The following ANKRD7 variants were observed in gnomAD, a reference collection of about 807,000 sequenced individuals.
The protein encoded by ANKRD7 is ankyrin repeat domain-containing protein 7.
A neutral mutation model predicts 30.8 loss-of-function variants in ANKRD7; 30 were observed. That is an observed-to-expected ratio of 0.97 (90% CI 0.73 to 1.32). The LOEUF is 1.32. Among genes scored for constraint, ANKRD7 ranks in the 40% most tolerant of loss-of-function variants. The pLI, the probability that ANKRD7 is intolerant of heterozygous loss-of-function variation, is 0.00. For synonymous variants in ANKRD7, 97 were observed against 106.6 expected, an observed-to-expected ratio of 0.91 and a Z score of 0.55; for missense variants, 264 against 295.7, an observed-to-expected ratio of 0.89 and a Z score of 0.79.
In ANKRD7 at chr7:118,239,970, TTC is replaced by T; in HGVS notation, c.*11_*12del. 1 of 1,584,370 alleles carries T rather than the reference TTC, an allele frequency of 6.3e-7. No homozygotes were observed. The highest frequency in any genetic ancestry group is 8.6e-7 in the Non-Finnish European group (1 of 1,161,762). ...AGAAACATGCTAAATAGACACCTTATTCTTGGCACTACATGTGACTAAAGGAA... is the reference window on the plus strand; with the variant it reads ...AGAAACATGCTAAATAGACACCTTATTTGGCACTACATGTGACTAAAGGAA... On this transcript the variant is annotated 3_prime_UTR_variant, in exon 6 of 7. Transcript: ENST00000265224.
chr7:118,225,014 C>G lies in ANKRD7; in HGVS notation c.179+5C>G. 1 of 1,613,414 alleles carries G rather than the reference C, an allele frequency of 6.2e-7. No homozygotes were observed. The highest frequency in any genetic ancestry group is 8.5e-7 in the Non-Finnish European group (1 of 1,179,774). On this transcript the variant is annotated splice_donor_5th_base_variant and intron_variant, in intron 1 of 6. Transcript: ENST00000265224. The stretch of plus-strand genomic sequence containing the variant: ...TATGCAGGACAAAAAATACAGGTGA[C>G]CAGACTGAAGAGCCAGCGCGGGAGG...
intron 1 of ANKRD7, chr7:118,228,025 G>A: frequency 7.7e-7 from 1 of 1,304,146 alleles, no homozygotes; most frequent in Non-Finnish European, 1.0e-6. Flanking sequence ...TTCATTCAGG[G>A]GTCAGTTTTT....
chr7:118,242,192 CAA>C (rs914210499), intron 6 of ANKRD7, among the ~76,000 whole-genome samples, 155 bp from the exon 7 acceptor site: 4 of 152,052 alleles, frequency 2.6e-5, no homozygotes, highest in Admixed American at 1.3e-4. Context: ...CTGTCAAATT[CAA>C]AAGAGACTAC....
At chr7:118,237,197 A>G (rs918671399) in intron 5 of ANKRD7, among the ~76,000 whole-genome samples, 27 of 152,216 alleles carry the variant, frequency 1.8e-4, no homozygotes, top group African/African-American at 5.5e-4. Context: ...CATTAATAAA[A>G]CATATAGGTG....
intron 5 of ANKRD7, among the ~76,000 whole-genome samples, chr7:118,238,809 G>A (rs1451509124): frequency 6.6e-6 from 1 of 152,092 alleles, no homozygotes; most frequent in African/African-American, 2.4e-5. Flanking sequence ...TGAGTTAATT[G>A]TCTTCACTTT....
At chr7:118,233,574 C>T (rs1259962084) in intron 1 of ANKRD7, among the ~76,000 whole-genome samples, 1 of 151,972 alleles carries the variant, frequency 6.6e-6, no homozygotes, top group Non-Finnish European at 1.5e-5. Context: ...TTTTGAGGTT[C>T]ACCTTTTTGC....
chr7:118,229,591 A>G (rs1809600487), intron 1 of ANKRD7, among the ~76,000 whole-genome samples: 1 of 152,170 alleles, frequency 6.6e-6, no homozygotes, highest in African/African-American at 2.4e-5. Flanking sequence ...AATAAATGCA[A>G]TGAATTATGG....
chr7:118,240,471 C>G (rs4730839), intron 6 of ANKRD7, among the ~76,000 whole-genome samples: 4,890 of 152,154 alleles, frequency 0.032, 132 homozygotes, highest in East Asian at 0.077. Context: ...TTTCATCCAT[C>G]TCCCTACAAA....
At chr7:118,228,199 A>G (rs1186066135) in intron 1 of ANKRD7, among the ~76,000 whole-genome samples, 1 of 152,108 alleles carries the variant, frequency 6.6e-6, no homozygotes, top group Non-Finnish European at 1.5e-5. Flanking sequence ...CCTGACTTGT[A>G]AACACGTAAG....
intron 1 of ANKRD7, among the ~76,000 whole-genome samples, chr7:118,228,615 C>T (rs75005850): frequency 0.018 from 2,760 of 152,280 alleles, 45 homozygotes; most frequent in Middle Eastern, 0.031. Flanking sequence ...TGTTATTCTA[C>T]TTCTGACCTG....
chr7:118,228,559 T>C (rs937819221), intron 1 of ANKRD7, among the ~76,000 whole-genome samples: 5 of 152,162 alleles, frequency 3.3e-5, no homozygotes, highest in Non-Finnish European at 7.4e-5. Context: ...ACATCACTAC[T>C]TAGCTTTCTC....
Position 118,227,906 on chromosome 7 carries a change from C to CTTTT in ANKRD7, c.179+2908_179+2911dup, listed in dbSNP as rs67297938. On this transcript the variant is annotated intron_variant, in intron 1 of 6. Transcript: ENST00000265224. ...ATTTAGCTTATTGATAGTATTATGT[C>CTTTT]TTTTTTTTTTTTTTAACAAAAACAG... 1.8e-3 allele frequency: 2,223 copies of CTTTT among 1,242,700 alleles called. 32 individuals carry two copies. In the African/African-American group the frequency reaches 0.033, roughly 18 times the overall value. The allele number at this position is 1,242,700 out of a possible 1,614,324, so 77.0% of individuals were successfully genotyped here.
chr7:118,240,893 G>A (rs1479108874), intron 6 of ANKRD7, among the ~76,000 whole-genome samples: 4 of 151,788 alleles, frequency 2.6e-5, no homozygotes, highest in Non-Finnish European at 5.9e-5. Flanking sequence ...GGTGGCTCAC[G>A]CCTGTAATCC....
intron 1 of ANKRD7, among the ~76,000 whole-genome samples, chr7:118,228,634 T>C (rs1405554957): frequency 6.6e-6 from 1 of 152,180 alleles, no homozygotes; most frequent in East Asian, 1.9e-4. Flanking sequence ...TGCCTTTTCT[T>C]TTTCGATAAA....
chr7:118,239,810 G>C (rs1157449442), intron 5 of ANKRD7, 99 bp from the exon 6 acceptor site: 1 of 604,734 alleles, frequency 1.7e-6, no homozygotes, highest in Non-Finnish European at 2.7e-6. Flanking sequence ...TACATTCTTG[G>C]GGCAGCATTG....
At chr7:118,241,094 C>T (rs1411454574) in intron 6 of ANKRD7, among the ~76,000 whole-genome samples, 1 of 134,132 alleles carries the variant, frequency 7.5e-6, no homozygotes, top group African/African-American at 2.9e-5. Flanking sequence ...GCGGAGCTTG[C>T]AGTGAGCCGA....
chr7:118,236,207 C>CGCGTGTGT (rs1809726493), intron 4 of ANKRD7, 60 bp downstream of exon 4: 1 of 587,758 alleles, frequency 1.7e-6, no homozygotes, highest in Admixed American at 2.9e-5. Flanking sequence ...TGTGTGTGTG[C>CGCGTGTGT]GTATGTGTGT....
chr7:118,236,321 G>C (rs993991607), intron 4 of ANKRD7, among the ~76,000 whole-genome samples, 174 bp downstream of exon 4: 3 of 151,972 alleles, frequency 2.0e-5, no homozygotes, highest in Non-Finnish European at 4.4e-5. Flanking sequence ...CTTTTGGACA[G>C]ATTACCTAAA....
intron 6 of ANKRD7, among the ~76,000 whole-genome samples, chr7:118,242,047 A>G (rs978597193): frequency 2.4e-4 from 37 of 152,154 alleles, no homozygotes; most frequent in African/African-American, 8.9e-4. Flanking sequence ...AGGCTCACTC[A>G]TTTTATTTTG....
Sources: gnomAD v4.1 joint callset for allele counts (sites outside exome capture counted in the v4.1 genomes callset) on GRCh38, gnomAD v4.1.1 for gene constraint, MANE v1.5 for transcripts, NCBI Gene and HGNC (gene_info 2026-07-23, HGNC 2026-07-21) for gene names.